EYA4: variants seen among roughly 807,000 people sequenced by gnomAD.
EYA4 encodes the protein EYA transcriptional coactivator and phosphatase 4, also known as protein phosphatase EYA4.
EYA4 carries 31 observed loss-of-function variants against 87.9 expected under a neutral mutation model. The observed-to-expected ratio is 0.35, with a 90% CI of 0.27 to 0.48. EYA4 has a LOEUF of 0.48. Ranked by LOEUF, EYA4 falls within the 20% of genes least tolerant of loss-of-function variation. EYA4 has a pLI of 0.99. For synonymous variants in EYA4, 263 were observed against 270.6 expected (o/e 0.97, Z 0.28); for missense variants, 678 against 761.4 (o/e 0.89, Z 1.29).
intron 11 of EYA4, among the ~76,000 whole-genome samples, chr6:133,481,020 A>AGAGGTGGAAGGGAAGATGG (rs1796169591): frequency 7.0e-6 from 1 of 143,414 alleles, no homozygotes; most frequent in African/African-American, 2.7e-5. Context: ...AGGGAAGATG[A>AGAGGTGGAAGGGAAGATGG]GAGAGGTGGA....
At chr6:133,354,479 A>G (rs1198222043) in intron 2 of EYA4, among the ~76,000 whole-genome samples, 2 of 152,294 alleles carry the variant, frequency 1.3e-5, no homozygotes, top group Admixed American at 1.3e-4. Context: ...CTATACGTTT[A>G]AGGTTCACAT....
At chr6:133,359,344 G>A (rs1784297755) in intron 2 of EYA4, among the ~76,000 whole-genome samples, 1 of 152,128 alleles carries the variant, frequency 6.6e-6, no homozygotes, top group Non-Finnish European at 1.5e-5. Context: ...CTTTTCTGAT[G>A]TCTGAGGCCA....
At position 133,530,457 on chromosome 6, in the gene EYA4, T is replaced by C. The variant is rs1174099003; in HGVS notation, c.*1652T>C. ...TAAGAACTAGAGTATTTTTATGGTG[T>C]CTGCACCTGCAGTTCTGTGTTTAAA... On this transcript the variant is annotated 3_prime_UTR_variant, in exon 20 of 20. Transcript: ENST00000355286. 1 of 985,630 alleles carries C rather than the reference T, an allele frequency of 1.0e-6. No homozygotes were observed. The highest frequency in any genetic ancestry group is 1.1e-4 in the East Asian group (1 of 8,824). The allele number at this position is 985,630 out of a possible 1,614,324, so 61.1% of individuals were successfully genotyped here. A position where few individuals can be genotyped will look rare whatever the true frequency, so the allele number is the denominator to read the frequency against.
chr6:133,341,910 A>G (rs941762494), intron 2 of EYA4, among the ~76,000 whole-genome samples: 1 of 152,140 alleles, frequency 6.6e-6, no homozygotes, highest in Admixed American at 6.5e-5. Context: ...ATTTTTTCAA[A>G]CTATTTACTT....
At chr6:133,282,932 A>G (rs1030255267) in intron 2 of EYA4, among the ~76,000 whole-genome samples, 1 of 152,188 alleles carries the variant, frequency 6.6e-6, no homozygotes, top group Non-Finnish European at 1.5e-5. Flanking sequence ...TTTGGGTACC[A>G]AAAGTCTTGT....
chr6:133,349,582 G>A (rs1783476825), intron 2 of EYA4, among the ~76,000 whole-genome samples: 1 of 152,060 alleles, frequency 6.6e-6, no homozygotes, highest in Non-Finnish European at 1.5e-5. Flanking sequence ...TGATAGCTGG[G>A]GCCTATGAGT....
At position 133,519,414 on chromosome 6, in the gene EYA4, C is replaced by T. The variant is rs576743849; in HGVS notation, c.1617-3642C>T. 9.4e-4 allele frequency among the ~76,000 whole-genome samples: 133 copies of T among 141,884 alleles called. 2 individuals are homozygous for T. The highest frequency in any genetic ancestry group is 8.3e-3 in the East Asian group (42 of 5,044). 93.1% of individuals were successfully genotyped at this position (141,884 alleles called of 152,430 possible). On this transcript the variant is annotated intron_variant, in intron 17 of 19. Transcript: ENST00000355286. ...ATCTAGAAGAAATGGATACATTCCTCGACACATACACTCTCCCAAGACTAA... is the reference window on the plus strand; with the variant it reads ...ATCTAGAAGAAATGGATACATTCCTTGACACATACACTCTCCCAAGACTAA...
Position 133,274,749 on chromosome 6 carries a change from C to T in EYA4, c.-32C>T, listed in dbSNP as rs1436711845. 3 of 1,605,030 alleles carry T rather than the reference C, an allele frequency of 1.9e-6. No individual in the cohort carries two copies. Among genetic ancestry groups the T allele is most frequent in the Non-Finnish European group, 1.7e-6 (2 of 1,172,092 alleles). ...TTTTACTTGAAGGAAGCTGCTTCTA[C>T]TTGGGAGTGGCAGGAGAAGTGAGAA... is the stretch of plus-strand genomic sequence containing the variant. On this transcript the variant is annotated 5_prime_UTR_variant, in exon 2 of 20. Transcript: ENST00000355286.
chr6:133,294,972 T>G (rs1471625460), intron 2 of EYA4, among the ~76,000 whole-genome samples: 1 of 152,230 alleles, frequency 6.6e-6, no homozygotes, highest in African/African-American at 2.4e-5. Context: ...CATATTGTAT[T>G]TCTTTTGCTC....
At chr6:133,276,671 ACCC>A (rs1321895722) in intron 2 of EYA4, among the ~76,000 whole-genome samples, 108 of 152,184 alleles carry the variant, frequency 7.1e-4, no homozygotes, top group African/African-American at 2.5e-3. Flanking sequence ...CTCAGCTTGA[ACCC>A]ATTTGCTGAA....
At chr6:133,497,051 T>C (rs142430171) in intron 13 of EYA4, among the ~76,000 whole-genome samples, 7 of 152,320 alleles carry the variant, frequency 4.6e-5, no homozygotes, top group African/African-American at 1.7e-4. Context: ...ATCATTTTTT[T>C]ACTGGTTACT....
intron 5 of EYA4, among the ~76,000 whole-genome samples, chr6:133,455,512 T>C (rs1044885110): frequency 6.6e-6 from 1 of 152,202 alleles, no homozygotes; most frequent in Admixed American, 6.6e-5. Context: ...CGCATGGTTT[T>C]CTATCAATTA....
intron 5 of EYA4, among the ~76,000 whole-genome samples, chr6:133,455,113 A>C (rs1012570003): frequency 9.2e-5 from 14 of 152,324 alleles, no homozygotes; most frequent in Admixed American, 2.6e-4. Context: ...AGCTCTCAAT[A>C]AGTATTAGTT....
chr6:133,362,545 G>C (rs748994176), intron 2 of EYA4, among the ~76,000 whole-genome samples: 2 of 152,132 alleles, frequency 1.3e-5, no homozygotes, highest in Non-Finnish European at 2.9e-5. Flanking sequence ...AATTGAAACA[G>C]ACTCCTTAAA....
rs560151250 is a variant in EYA4, at chr6:133,437,070, T to C, written c.84-9560T>C. On this transcript the variant is annotated intron_variant, in intron 3 of 19. Coordinates refer to ENST00000355286, the MANE Select transcript of EYA4 (RefSeq NM_004100.5). The stretch of plus-strand genomic sequence containing the variant: ...TTTACATTTTTCTTTCTTTTCCTTT[T>C]TTAAGTTTTTGTGTTTATGACTAAG... 7.2e-5 allele frequency among the ~76,000 whole-genome samples: 11 copies of C among 152,342 alleles called. No individual in the cohort carries two copies. In the South Asian group the frequency reaches 2.3e-3, roughly 32 times the overall value.
At chr6:133,299,347 T>G (rs1290483570) in intron 2 of EYA4, among the ~76,000 whole-genome samples, 1 of 152,154 alleles carries the variant, frequency 6.6e-6, no homozygotes, top group Non-Finnish European at 1.5e-5. Flanking sequence ...TTGTTTTCCT[T>G]TTTTAGAATT....
chr6:133,253,669 A>C (rs1775104089), intron 1 of EYA4, among the ~76,000 whole-genome samples: 2 of 152,016 alleles, frequency 1.3e-5, no homozygotes, highest in South Asian at 2.1e-4. Flanking sequence ...TAATAATAAT[A>C]ATCTACTCAT....
In EYA4 at chr6:133,434,180, T is replaced by C. The variant is rs1791437999; in HGVS notation, c.84-12450T>C. ...CCCTCCCTGAGAGAGAAAAAGCTCT[T>C]GGGCAGGACAGGTCATTGATGTGTG... is the stretch of plus-strand genomic sequence containing the variant. On this transcript the variant is annotated intron_variant, in intron 3 of 19. Transcript: ENST00000355286. Among the ~76,000 whole-genome samples, 5 of 152,300 alleles carry C rather than the reference T, an allele frequency of 3.3e-5. No homozygotes were observed. The South Asian group carries it at 1.0e-3, about 32-fold the overall frequency.
At chr6:133,245,632 C>T (rs898610960) in intron 1 of EYA4, among the ~76,000 whole-genome samples, 4 of 152,086 alleles carry the variant, frequency 2.6e-5, no homozygotes, top group Admixed American at 2.0e-4. Context: ...AGGCATTTGC[C>T]CTGGAGATGG....
Sources: gnomAD v4.1 joint callset for allele counts (sites outside exome capture counted in the v4.1 genomes callset) on GRCh38, gnomAD v4.1.1 for gene constraint, MANE v1.5 for transcripts, NCBI Gene and HGNC (gene_info 2026-07-23, HGNC 2026-07-21) for gene names.